Variants in SAMTOR observed in about 807,000 individuals in gnomAD.
SAMTOR encodes UPF0532 protein C7orf60.
the SAMTOR span, among the ~76,000 whole-genome samples, chr7:112,849,703 T>C: frequency 6.6e-6 from 1 of 152,196 alleles, no homozygotes; most frequent in Non-Finnish European, 1.5e-5. Flanking sequence ...TTTTCAACTT[T>C]TCTCCATTTA....
chr7:112,854,143 A>G, the SAMTOR span, among the ~76,000 whole-genome samples: 1 of 152,114 alleles, frequency 6.6e-6, no homozygotes. Flanking sequence ...AACAGCAGAA[A>G]AAAATAGTTA....
At chr7:112,919,012 C>T in the SAMTOR span, among the ~76,000 whole-genome samples, 3 of 152,166 alleles carry the variant, frequency 2.0e-5, no homozygotes, top group South Asian at 2.1e-4. Context: ...GACTTTAACA[C>T]CCCACTGTCA....
At chr7:112,920,762 C>T in the SAMTOR span, among the ~76,000 whole-genome samples, 4,019 of 149,496 alleles carry the variant, frequency 0.027, 99 homozygotes, top group African/African-American at 0.063. Flanking sequence ...TCTCAGGATA[C>T]AAAATCAATG....
chr7:112,852,999 C>T, the SAMTOR span, among the ~76,000 whole-genome samples: 1 of 151,846 alleles, frequency 6.6e-6, no homozygotes, highest in Non-Finnish European at 1.5e-5. Flanking sequence ...TTTCTCTTTT[C>T]AGCATATCTG....
the SAMTOR span, among the ~76,000 whole-genome samples, chr7:112,927,741 C>T: frequency 2.0e-5 from 3 of 152,034 alleles, no homozygotes; most frequent in Admixed American, 6.5e-5. Flanking sequence ...AATATATGCT[C>T]TACAGCTTAA....
chr7:112,882,814 C>T, the SAMTOR span, among the ~76,000 whole-genome samples: 5 of 147,742 alleles, frequency 3.4e-5, no homozygotes, highest in Admixed American at 1.3e-4. Flanking sequence ...TCCTCCTTTA[C>T]TAGTGTAACA....
At chr7:112,891,676 A>G in the SAMTOR span, among the ~76,000 whole-genome samples, 11 of 152,330 alleles carry the variant, frequency 7.2e-5, no homozygotes, top group South Asian at 1.9e-3. Context: ...TCCAGTGCAT[A>G]TAAGTTATGT....
the SAMTOR span, among the ~76,000 whole-genome samples, chr7:112,920,116 T>G: frequency 7.7e-3 from 1,177 of 152,322 alleles, 8 homozygotes; most frequent in Non-Finnish European, 0.011. Context: ...AGCATCATCC[T>G]GATACCAAAG....
chr7:112,855,981 G>A, the SAMTOR span, among the ~76,000 whole-genome samples: 1,465 of 152,040 alleles, frequency 9.6e-3, 11 homozygotes, highest in Non-Finnish European at 0.016. Flanking sequence ...TTACTTTTGT[G>A]GTTAGAGAGT....
chr7:112,837,864 G>A, the SAMTOR span, among the ~76,000 whole-genome samples: 1 of 151,892 alleles, frequency 6.6e-6, no homozygotes, highest in Non-Finnish European at 1.5e-5. Flanking sequence ...TAAAAGCACT[G>A]TATTTAATAC....
the SAMTOR span, among the ~76,000 whole-genome samples, chr7:112,920,611 A>G: frequency 1.4e-5 from 2 of 147,988 alleles, no homozygotes; most frequent in Non-Finnish European, 1.5e-5. Flanking sequence ...GCAATTAGGC[A>G]GGAGAAGGAA....
the SAMTOR span, among the ~76,000 whole-genome samples, chr7:112,888,646 C>A: frequency 6.6e-6 from 1 of 152,090 alleles, no homozygotes; most frequent in Non-Finnish European, 1.5e-5. Flanking sequence ...AAAAGTATAT[C>A]TTTACTATGT....
the SAMTOR span, among the ~76,000 whole-genome samples, chr7:112,882,375 C>T: frequency 6.6e-6 from 1 of 152,160 alleles, no homozygotes; most frequent in Non-Finnish European, 1.5e-5. Flanking sequence ...AAGTGACAGC[C>T]TAAGGATCCA....
the SAMTOR span, chr7:112,820,439 T>A: frequency 6.6e-6 from 1 of 152,072 alleles, no homozygotes; most frequent in Non-Finnish European, 1.5e-5. Context: ...TGCAAAAACC[T>A]CAGTATGAGG....
At chr7:112,862,960 C>A in the SAMTOR span, among the ~76,000 whole-genome samples, 1 of 151,840 alleles carries the variant, frequency 6.6e-6, no homozygotes, top group Admixed American at 6.6e-5. Flanking sequence ...AATTCTCTAA[C>A]CCTTTCTTAA....
chr7:112,908,296 T>C, the SAMTOR span, among the ~76,000 whole-genome samples: 1 of 152,186 alleles, frequency 6.6e-6, no homozygotes, highest in Non-Finnish European at 1.5e-5. Context: ...CTCTCATGAA[T>C]AATTAAAGAG....
chr7:112,928,317 G>A, the SAMTOR span, among the ~76,000 whole-genome samples: 1 of 152,010 alleles, frequency 6.6e-6, no homozygotes, highest in East Asian at 1.9e-4. Context: ...ATCTGGTACA[G>A]CATTTTTTTT....
the SAMTOR span, chr7:112,820,971 A>C: frequency 4.4e-4 from 67 of 152,564 alleles, no homozygotes; most frequent in African/African-American, 1.5e-3. Flanking sequence ...TTGTAAATGA[A>C]GCCTAAGTTT....
At chr7:112,900,865 T>C in the SAMTOR span, among the ~76,000 whole-genome samples, 1 of 152,178 alleles carries the variant, frequency 6.6e-6, no homozygotes, top group South Asian at 2.1e-4. Context: ...AATCTAGATA[T>C]AGACCTTACA....
Sources: gnomAD v4.1 joint callset for allele counts (sites outside exome capture counted in the v4.1 genomes callset) on GRCh38, gnomAD v4.1.1 for gene constraint, MANE v1.5 for transcripts, NCBI Gene and HGNC (gene_info 2026-07-23, HGNC 2026-07-21) for gene names.